Variants in CAPZA1 observed in about 807,000 individuals in gnomAD.
The protein encoded by CAPZA1 is F-actin-capping protein subunit alpha-1.
Under a neutral mutation model 40.8 loss-of-function variants are expected in CAPZA1, and 10 were observed. That is an observed-to-expected ratio of 0.25 (90% CI 0.15 to 0.42). The LOEUF is 0.42. Ranked by LOEUF, CAPZA1 falls within the 10% of genes least tolerant of loss-of-function variation. The pLI is 1.00. For synonymous variants in CAPZA1, 98 were observed against 115.0 expected, an observed-to-expected ratio of 0.85 and a Z score of 0.95; for missense variants, 277 against 353.8, an observed-to-expected ratio of 0.78 and a Z score of 1.74.
At chr1:112,663,145 T>G (rs953956191) in intron 7 of CAPZA1, among the ~76,000 whole-genome samples, 2 of 152,082 alleles carry the variant, frequency 1.3e-5, no homozygotes, top group African/African-American at 4.8e-5. Flanking sequence ...TTTGTATTTT[T>G]AGCAGACACC....
At chr1:112,641,981 TA>T (rs74671105) in intron 1 of CAPZA1, among the ~76,000 whole-genome samples, 5 of 150,936 alleles carry the variant, frequency 3.3e-5, no homozygotes, top group African/African-American at 1.2e-4. Context: ...ATTTGTTGTT[TA>T]AAAAAAAACC....
intron 4 of CAPZA1, among the ~76,000 whole-genome samples, chr1:112,654,245 A>G (rs558351936): frequency 6.6e-6 from 1 of 152,308 alleles, no homozygotes; most frequent in South Asian, 2.1e-4. Flanking sequence ...AAACCAAGAA[A>G]TGAATATTAT....
intron 7 of CAPZA1, among the ~76,000 whole-genome samples, chr1:112,666,452 C>G (rs1266658404): frequency 1.3e-5 from 2 of 152,212 alleles, no homozygotes; most frequent in African/African-American, 4.8e-5. Flanking sequence ...ATGTCATTGA[C>G]TTGTTAGTCT....
rs766281393 is a variant in CAPZA1, at chr1:112,647,237, C to T, written c.67C>T (p.His23Tyr). ...ACGCATAGCTGCTAAATTCATCACT[C>T]ATGCACCCCCAGGGGAATTTAATGA... ...KVRIAAKFIT[H>Y]APPGEFNEVF... The change falls in exon 2 of 10, where the codon CAT (histidine) becomes TAT (tyrosine). Residue 23 changes from histidine to tyrosine, a missense_variant. Transcript: ENST00000263168. 9 of 1,530,074 alleles carry T rather than the reference C, an allele frequency of 5.9e-6. No individual in the cohort carries two copies. The highest frequency in any genetic ancestry group is 5.3e-5 in the South Asian group (4 of 75,958). 94.8% of individuals were successfully genotyped at this position (1,530,074 alleles called of 1,614,324 possible).
At chr1:112,664,664 A>G (rs559007929) in intron 7 of CAPZA1, among the ~76,000 whole-genome samples, 18 of 152,254 alleles carry the variant, frequency 1.2e-4, no homozygotes, top group African/African-American at 4.1e-4. Context: ...GGCCTAGCGC[A>G]GTGGCTCATG....
intron 7 of CAPZA1, among the ~76,000 whole-genome samples, chr1:112,660,601 G>A (rs1461113686): frequency 6.8e-6 from 1 of 148,056 alleles, no homozygotes; most frequent in Non-Finnish European, 1.5e-5. Context: ...TTTTAATGCT[G>A]ATGTCAGGGT....
At chr1:112,661,468 G>A (rs1469548183) in intron 7 of CAPZA1, among the ~76,000 whole-genome samples, 1 of 152,172 alleles carries the variant, frequency 6.6e-6, no homozygotes, top group East Asian at 1.9e-4. Context: ...GTCCCCTACT[G>A]TAGCTTTGTG....
At chr1:112,635,931 G>A (rs112684038) in intron 1 of CAPZA1, among the ~76,000 whole-genome samples, 4,792 of 152,108 alleles carry the variant, frequency 0.032, 274 homozygotes, top group African/African-American at 0.11. Flanking sequence ...CAGGAGGCTG[G>A]GGCAGGAGAA....
intron 4 of CAPZA1, 33 bp from the exon 5 acceptor site, chr1:112,654,432 C>T: frequency 7.1e-7 from 1 of 1,408,976 alleles, no homozygotes; most frequent in South Asian, 1.3e-5. Context: ...GTCTTTTTTA[C>T]AGTTACTCAT....
At position 112,667,129 on chromosome 1, in the gene CAPZA1, A is replaced by C; in HGVS notation, c.641A>C (p.Asp214Ala). ...TTGGTTAGTCATAAAGATGTACAGGATTCACTAACTGTTTCGGTGAGTATG... is the reference window on the plus strand; with the variant it reads ...TTGGTTAGTCATAAAGATGTACAGGCTTCACTAACTGTTTCGGTGAGTATG... ...VQLVSHKDVQ[D>A]SLTVSNEAQT... Residue 214 changes from aspartate to alanine, a missense_variant, in exon 8 of 10, where the codon GAT becomes GCT. This residue lies in a region of CAPZA1 where 192 missense variants were observed against 277.2 expected (regional missense o/e 0.69). Coordinates refer to ENST00000263168, the MANE Select transcript of CAPZA1 (RefSeq NM_006135.3). The C allele has an allele frequency of 1.2e-6, 2 of 1,608,708 alleles. No individual in the cohort carries two copies. Among genetic ancestry groups the C allele is most frequent in the South Asian group, 2.2e-5 (2 of 90,704 alleles).
rs767229843 is a variant in CAPZA1, at chr1:112,654,444, T to C, written c.220-21T>C. The C allele has an allele frequency of 7.2e-6, 11 of 1,533,152 alleles. No homozygotes were observed. The East Asian group carries it at 1.6e-4, about 22-fold the overall frequency. The allele number at this position is 1,533,152 out of a possible 1,614,324, so 95.0% of individuals were successfully genotyped here. A position where few individuals can be genotyped will look rare whatever the true frequency, so the allele number is the denominator to read the frequency against. ...ATTGTCTTTTTTACAGTTACTCATATGTTTAATGATTCTTTGGAAGGTCTT... is the reference window on the plus strand; with the variant it reads ...ATTGTCTTTTTTACAGTTACTCATACGTTTAATGATTCTTTGGAAGGTCTT... On this transcript the variant is annotated intron_variant, in intron 4 of 9. Coordinates refer to ENST00000263168, the MANE Select transcript of CAPZA1 (RefSeq NM_006135.3).
chr1:112,620,798 AC>A (rs1157721740), intron 1 of CAPZA1: 5 of 152,224 alleles, frequency 3.3e-5, no homozygotes, highest in Admixed American at 6.5e-5. Context: ...AGGTGGAATA[AC>A]TTTTCTTCTG....
chr1:112,656,626 C>T (rs1268083932), intron 5 of CAPZA1, among the ~76,000 whole-genome samples: 1 of 151,788 alleles, frequency 6.6e-6, no homozygotes, highest in Admixed American at 6.6e-5. Flanking sequence ...AAGTTTGTCA[C>T]TACCCATTCT....
intron 1 of CAPZA1, among the ~76,000 whole-genome samples, chr1:112,627,418 G>A (rs1450131388): frequency 6.6e-6 from 1 of 151,884 alleles, no homozygotes; most frequent in Non-Finnish European, 1.5e-5. Context: ...GCTGAGGCAG[G>A]CGGATTACTT....
intron 1 of CAPZA1, chr1:112,620,949 A>T (rs1358854802): frequency 6.6e-6 from 1 of 152,240 alleles, no homozygotes; most frequent in Non-Finnish European, 1.5e-5. Flanking sequence ...GGCTATTAGA[A>T]AATGTGTCCC....
chr1:112,670,446 A>C lies in CAPZA1; in HGVS notation c.*314A>C. 4.7e-6 allele frequency: 1 copy of C among 213,480 alleles called. No individual in the cohort carries two copies. Among genetic ancestry groups the C allele is most frequent in the Non-Finnish European group, 8.5e-6 (1 of 117,860 alleles). The allele number at this position is 213,480 out of a possible 1,614,324, so 13.2% of individuals were successfully genotyped here. On this transcript the variant is annotated 3_prime_UTR_variant, in exon 10 of 10. Transcript: ENST00000263168. ...CTATCCTAATGACATTTTACTGTTTAAAAAAGTTTCCTAGCCATGAAGCCC... is the reference window on the plus strand; with the variant it reads ...CTATCCTAATGACATTTTACTGTTTCAAAAAGTTTCCTAGCCATGAAGCCC...
intron 7 of CAPZA1, among the ~76,000 whole-genome samples, chr1:112,664,759 A>C (rs1292161087): frequency 6.6e-6 from 1 of 151,978 alleles, no homozygotes; most frequent in Non-Finnish European, 1.5e-5. Context: ...ACATGGTGAA[A>C]CCTCGTCTCT....
intron 7 of CAPZA1, among the ~76,000 whole-genome samples, chr1:112,665,698 A>G (rs1671712006): frequency 6.6e-6 from 1 of 152,178 alleles, no homozygotes; most frequent in South Asian, 2.1e-4. Flanking sequence ...GAAGAGTGGC[A>G]AGAGAGCTTG....
At chr1:112,638,957 GATAT>G (rs1331018509) in intron 1 of CAPZA1, among the ~76,000 whole-genome samples, 1 of 127,034 alleles carries the variant, frequency 7.9e-6, no homozygotes, top group African/African-American at 4.0e-5. Context: ...TAGAGATAGA[GATAT>G]ATATAGAGAG....
Sources: allele counts gnomAD v4.1 joint callset (sites outside exome capture counted in the v4.1 genomes callset), GRCh38; gene constraint gnomAD v4.1.1; regional missense constraint gnomAD v4.1.1; transcripts MANE v1.5; gene names NCBI Gene and HGNC (gene_info 2026-07-23, HGNC 2026-07-21).